The following MAP3K5 variants were observed in gnomAD, a reference collection of about 807,000 sequenced individuals.
MAP3K5 encodes ASK-1.
Under a neutral mutation model 158.7 loss-of-function variants are expected in MAP3K5, and 56 were observed. That is an observed-to-expected ratio of 0.35 (90% confidence interval 0.28 to 0.44). MAP3K5 has a LOEUF of 0.44. Among genes scored for constraint, MAP3K5 ranks in the 20% least tolerant of loss-of-function variants. The pLI is 1.00. For synonymous variants in MAP3K5, 579 were observed against 601.7 expected (o/e 0.96, Z 0.55); for missense variants, 1,294 against 1,674.8 (o/e 0.77, Z 3.97).
chr6:136,792,116 T>G lies in MAP3K5; in HGVS notation c.42A>C (p.Pro14=). ...TGCAGAAGCCCGAGGGGGCGAAGGG[T>G]GGCACAGAGAAAGTGATGCCCTCGT... is the stretch of plus-strand genomic sequence containing the variant. ...EADEGITFSV[P]PFAPSGFCTI... Residue 14 remains proline (P), a synonymous_variant, in exon 1 of 30, where the codon CCA becomes CCC. Transcript: ENST00000359015. This position sits in a 1 kb window ranked among gnomAD's most constrained non-coding sequence, Gnocchi z 5.7. 2 of 1,585,340 alleles carry G rather than the reference T, an allele frequency of 1.3e-6. No individual in the cohort carries two copies. Among genetic ancestry groups the G allele is most frequent in the East Asian group, 2.3e-5 (1 of 43,814 alleles).
rs771379166 is a variant in MAP3K5 at position 136,580,391 on chromosome 6, G to A, written c.3427C>T (p.Arg1143Trp). The A allele has an allele frequency of 4.3e-5, 69 of 1,611,312 alleles. No homozygotes were observed. The Middle Eastern group carries it at 4.9e-4, about 12-fold the overall frequency. The change falls in exon 25 of 30, where the codon CGG (arginine) becomes TGG (tryptophan). Residue 1143 changes from arginine to tryptophan, a missense_variant. Physicochemically the swap from Arg to Trp is moderately radical, Grantham distance 101. Transcript: ENST00000359015. ...GFQDAVNKVL[R>W]NHNIKPHWMF... Reference sequence around the variant, plus strand: ...CAGTGCGGCTTGATGTTATGATTCCGAAGAACTTTATTGACCTGGAGAGAG... The same window carrying A: ...CAGTGCGGCTTGATGTTATGATTCCAAAGAACTTTATTGACCTGGAGAGAG...
intron 25 of MAP3K5, among the ~76,000 whole-genome samples, chr6:136,569,836 T>G (rs922863533): frequency 2.0e-5 from 3 of 152,222 alleles, no homozygotes; most frequent in Non-Finnish European, 4.4e-5. Context: ...TATTACAAAT[T>G]GTAATTAAAT....
In MAP3K5 at chr6:136,583,883, G is replaced by A. The variant is rs370307728; in HGVS notation, c.3226-143C>T. ...TCACTATATTGCCCAGGCTGGTCTCGAACTCCTGGGCTCAAGCGAGCCTCC... is the reference window on the plus strand; with the variant it reads ...TCACTATATTGCCCAGGCTGGTCTCAAACTCCTGGGCTCAAGCGAGCCTCC... On this transcript the variant is annotated intron_variant, in intron 23 of 29. Coordinates refer to ENST00000359015, the MANE Select transcript of MAP3K5 (RefSeq NM_005923.4). The A allele has an allele frequency of 2.6e-4, 171 of 669,766 alleles. No homozygotes were observed. In the African/African-American group the frequency reaches 2.7e-3, roughly 11 times the overall value. 41.5% of individuals were successfully genotyped at this position (669,766 alleles called of 1,614,324 possible).
In MAP3K5 at chr6:136,614,205, G is replaced by C; in HGVS notation, c.2232C>G (p.Phe744Leu). The C allele has an allele frequency of 6.2e-7, 1 of 1,613,832 alleles. No homozygotes were observed. The highest frequency in any genetic ancestry group is 8.5e-7 in the Non-Finnish European group (1 of 1,179,840). The change falls in exon 16 of 30, where the codon TTC becomes TTG. Residue 744 changes from phenylalanine (F) to leucine (L), a missense_variant. Coordinates refer to ENST00000359015, the MANE Select transcript of MAP3K5 (RefSeq NM_005923.4). ...AGATTTTAATGAAACCATTCTCACT[G>C]AAAGAGCCCAGATACTGGACAATAT... ...HKNIVQYLGS[F>L]SENGFIKIFM...
At chr6:136,570,310 C>A (rs1330402207) in intron 25 of MAP3K5, among the ~76,000 whole-genome samples, 1 of 152,208 alleles carries the variant, frequency 6.6e-6, no homozygotes, top group Non-Finnish European at 1.5e-5. Context: ...TTCTCTTCTT[C>A]AGAGCCTTTT....
intron 13 of MAP3K5, among the ~76,000 whole-genome samples, chr6:136,638,199 G>C (rs1277690221): frequency 6.6e-6 from 1 of 151,872 alleles, no homozygotes; most frequent in East Asian, 1.9e-4. Flanking sequence ...TTAACCAAGA[G>C]GAAGAATAAA....
chr6:136,603,578 G>A (rs1426491303), intron 19 of MAP3K5, among the ~76,000 whole-genome samples: 2 of 152,128 alleles, frequency 1.3e-5, no homozygotes, highest in East Asian at 3.8e-4. Flanking sequence ...CCATGTTGGA[G>A]CCTGGATTCA....
intron 11 of MAP3K5, 79 bp from the exon 12 acceptor site, chr6:136,642,648 TTAA>T: frequency 1.9e-6 from 2 of 1,027,058 alleles, no homozygotes; most frequent in Non-Finnish European, 3.0e-6. Context: ...TTAATTATTT[TTAA>T]AGTGATATAC....
chr6:136,728,113 A>G (rs972219034), intron 1 of MAP3K5, among the ~76,000 whole-genome samples: 1 of 152,194 alleles, frequency 6.6e-6, no homozygotes, highest in Non-Finnish European at 1.5e-5. Flanking sequence ...AAGGTTTATC[A>G]GGGGTTTGTT....
intron 1 of MAP3K5, among the ~76,000 whole-genome samples, chr6:136,726,170 G>C (rs530997110): frequency 6.6e-5 from 10 of 152,096 alleles, no homozygotes; most frequent in Non-Finnish European, 1.5e-4. Flanking sequence ...GCTTTCCTAC[G>C]TAAATTTGAG....
rs1455527390 is a variant in MAP3K5 at position 136,675,637 on chromosome 6, C to T, written c.1254-6242G>A. Among the ~76,000 whole-genome samples, 7 of 151,434 alleles carry T rather than the reference C, an allele frequency of 4.6e-5. No individual in the cohort carries two copies. The East Asian group carries it at 1.2e-3, about 25-fold the overall frequency. On this transcript the variant is annotated intron_variant, in intron 7 of 29. Coordinates refer to ENST00000359015, the MANE Select transcript of MAP3K5 (RefSeq NM_005923.4). ...TCTAATAGATAAAATGTCTGGGATGCAGAACAAATTATACCTTTAAATGTA... is the reference window on the plus strand; with the variant it reads ...TCTAATAGATAAAATGTCTGGGATGTAGAACAAATTATACCTTTAAATGTA...
At chr6:136,571,338 A>AT (rs1166181374) in intron 25 of MAP3K5, among the ~76,000 whole-genome samples, 17 of 152,102 alleles carry the variant, frequency 1.1e-4, no homozygotes, top group Admixed American at 1.1e-3. Context: ...AGTGAAAGGG[A>AT]TGTAGCACTC....
chr6:136,626,236 A>AC (rs1777032166), intron 14 of MAP3K5, among the ~76,000 whole-genome samples: 2 of 152,132 alleles, frequency 1.3e-5, no homozygotes, highest in South Asian at 4.1e-4. Flanking sequence ...TTCTGGGGAA[A>AC]ATTATGCCTA....
intron 25 of MAP3K5, among the ~76,000 whole-genome samples, chr6:136,571,080 C>T (rs985846889): frequency 6.6e-6 from 1 of 152,154 alleles, no homozygotes; most frequent in South Asian, 2.1e-4. Flanking sequence ...TGTCTTTTAA[C>T]CAATCAAATG....
intron 7 of MAP3K5, among the ~76,000 whole-genome samples, chr6:136,675,245 G>A (rs775029445): frequency 5.9e-5 from 9 of 152,008 alleles, no homozygotes; most frequent in Non-Finnish European, 8.8e-5. Flanking sequence ...ATCATAGGTA[G>A]AGATCTTAAA....
At chr6:136,699,618 G>A (rs963888317) in intron 3 of MAP3K5, among the ~76,000 whole-genome samples, 9 of 152,166 alleles carry the variant, frequency 5.9e-5, no homozygotes, top group African/African-American at 1.7e-4. Context: ...ATGCCCAAGC[G>A]AGGATAAACT....
chr6:136,686,716 G>A (rs1471157588), intron 7 of MAP3K5, among the ~76,000 whole-genome samples: 1 of 152,084 alleles, frequency 6.6e-6, no homozygotes, highest in African/African-American at 2.4e-5. Context: ...CAATTTACAA[G>A]GGATGTGAAG....
intron 15 of MAP3K5, among the ~76,000 whole-genome samples, chr6:136,615,499 C>A (rs1776523393): frequency 6.6e-6 from 1 of 152,144 alleles, no homozygotes; most frequent in South Asian, 2.1e-4. Context: ...TCATCTCTCT[C>A]CTGATTTTTC....
At chr6:136,670,383 G>C (rs772914090) in intron 7 of MAP3K5, among the ~76,000 whole-genome samples, 2 of 152,044 alleles carry the variant, frequency 1.3e-5, no homozygotes, top group African/African-American at 2.4e-5. Flanking sequence ...GGAACTGCCT[G>C]AGGCCAATGC....
Sources: allele counts gnomAD v4.1 joint callset (sites outside exome capture counted in the v4.1 genomes callset), GRCh38; gene constraint gnomAD v4.1.1; non-coding constraint Gnocchi (gnomAD v3.1); transcripts MANE v1.5; gene names NCBI Gene and HGNC (gene_info 2026-07-23, HGNC 2026-07-21).